Variants in TMEM151A observed in about 807,000 individuals in gnomAD.
The protein encoded by TMEM151A is transmembrane protein 151.
In TMEM151A, 21 loss-of-function variants were observed where a neutral mutation model predicts 33.7. The observed-to-expected ratio is 0.62, with a 90% CI of 0.44 to 0.90. The LOEUF is 0.90. Ranked by LOEUF, TMEM151A falls within the 40% of genes least tolerant of loss-of-function variation. The probability of loss-of-function intolerance (pLI) is 0.00; values close to 1 mark genes in which losing one functional copy is unlikely to be tolerated. For missense variants in TMEM151A, 704 were observed against 697.7 expected, an observed-to-expected ratio of 1.01 and a Z score of -0.10; for synonymous variants, 374 against 330.3, an observed-to-expected ratio of 1.13 and a Z score of -1.43.
rs1271149827 is a variant in TMEM151A at position 66,294,734 on chromosome 11, G to T, written c.488G>T (p.Arg163Leu). Reference sequence around the variant, plus strand: ...AGCTATCACTACGTGCGGCGCACACGCCAGATCACGCGCTACCGCAACGGC... The same window carrying T: ...AGCTATCACTACGTGCGGCGCACACTCCAGATCACGCGCTACCGCAACGGC... Reference protein sequence around the residue: ...ATSYHYVRRTRQITRYRNGDA... With the variant: ...ATSYHYVRRTLQITRYRNGDA... Residue 163 changes from arginine to leucine, a missense_variant, in exon 2 of 2, where the codon CGC becomes CTC. By Grantham distance (102) the Arg-to-Leu change is moderately radical (BLOSUM62 -2). Coordinates refer to ENST00000327259, the MANE Select transcript of TMEM151A (RefSeq NM_153266.4). 2 of 1,554,304 alleles carry T rather than the reference G, an allele frequency of 1.3e-6. No homozygotes were observed.
In TMEM151A at chr11:66,295,516, G is replaced by C. The variant is rs1314044699; in HGVS notation, c.1270G>C (p.Gly424Arg). ...ATPGVFRSLS[G>R]GPLGRRGEDT... ...GCCAGGGGTCTTCCGCAGCCTGAGCGGGGGGCCGCTGGGGCGCCGTGGAGA... is the reference window on the plus strand; with the variant it reads ...GCCAGGGGTCTTCCGCAGCCTGAGCCGGGGGCCGCTGGGGCGCCGTGGAGA... The change falls in exon 2 of 2, where the codon GGG becomes CGG. Residue 424 changes from glycine (G) to arginine (R), a missense_variant. Around this residue, in one of 3 missense-constraint regions of TMEM151A, gnomAD observed 398 missense variants for 356.0 expected, o/e 1.12. Coordinates refer to ENST00000327259, the MANE Select transcript of TMEM151A (RefSeq NM_153266.4). 7.2e-7 allele frequency: 1 copy of C among 1,395,622 alleles called. No homozygotes were observed. The highest frequency in any genetic ancestry group is 1.5e-5 in the African/African-American group (1 of 65,738). 86.5% of individuals were successfully genotyped at this position (1,395,622 alleles called of 1,614,324 possible). A position where few individuals can be genotyped will look rare whatever the true frequency, so the allele number is the denominator to read the frequency against.
chr11:66,292,118 C>G lies in TMEM151A; in HGVS notation c.75+30C>G. On this transcript the variant is annotated intron_variant, in intron 1 of 1. Transcript: ENST00000327259. This position sits in a 1 kb window ranked among gnomAD's most constrained non-coding sequence, Gnocchi z 4.7. ...CGGCGCTGGGGGGGCCGGAGCCGGG[C>G]CTGGGGCGGCGTGAGAGGGACCAGT... The G allele has an allele frequency of 7.1e-7, 1 of 1,410,506 alleles. No individual in the cohort carries two copies. The highest frequency in any genetic ancestry group is 9.2e-7 in the Non-Finnish European group (1 of 1,091,328). 87.4% of individuals were successfully genotyped at this position (1,410,506 alleles called of 1,614,324 possible).
In TMEM151A at chr11:66,292,758, A is replaced by T. The variant is rs1305302109; in HGVS notation, c.75+670A>T. 4.0e-5 allele frequency among the ~76,000 whole-genome samples: 6 copies of T among 151,290 alleles called. No homozygotes were observed. Among genetic ancestry groups the T allele is most frequent in the African/African-American group, 2.4e-5 (1 of 41,136 alleles). On this transcript the variant is annotated intron_variant, in intron 1 of 1. Transcript: ENST00000327259. This position sits in a 1 kb window ranked among gnomAD's most constrained non-coding sequence, Gnocchi z 4.7. ...TGTGAATTGGGTGTGTGCGCCCTGT[A>T]GTCAGGTGAGGGGCGAGTGGGTGCC...
rs769607677 is a variant in TMEM151A at position 66,294,315 on chromosome 11, C to T, written c.76-7C>T. 12 of 1,605,222 alleles carry T rather than the reference C, an allele frequency of 7.5e-6. No homozygotes were observed. Among genetic ancestry groups the T allele is most frequent in the South Asian group, 3.3e-5 (3 of 90,984 alleles). ...ACACAGACTTCCCTTTCTCTGCCCACCTGCAGCAGCGGCCCCTGAAACAGT... is the reference window on the plus strand; with the variant it reads ...ACACAGACTTCCCTTTCTCTGCCCATCTGCAGCAGCGGCCCCTGAAACAGT... On this transcript the variant is annotated splice_region_variant and splice_polypyrimidine_tract_variant and intron_variant, in intron 1 of 1. Coordinates refer to ENST00000327259, the MANE Select transcript of TMEM151A (RefSeq NM_153266.4).
Position 66,292,350 on chromosome 11 carries a change from C to T in TMEM151A, c.75+262C>T, listed in dbSNP as rs992248427. The stretch of plus-strand genomic sequence containing the variant: ...CTCGCCCGTCCTGTGACGTCAGTGC[C>T]TGGCCCCCACGCGTCCCAGTGCCGC... On this transcript the variant is annotated intron_variant, in intron 1 of 1. Transcript: ENST00000327259. The surrounding 1 kb of genome is among the most constrained non-coding windows in gnomAD (Gnocchi z 4.7). Among the ~76,000 whole-genome samples the T allele has an allele frequency of 6.6e-6, 1 of 152,198 alleles. No individual in the cohort carries two copies. Among genetic ancestry groups the T allele is most frequent in the Non-Finnish European group, 1.5e-5 (1 of 68,032 alleles).
Position 66,295,167 on chromosome 11 carries a change from C to T in TMEM151A, c.921C>T (p.Gly307=). ...SWPLRVVAAY[G]TAHVHYQVEK... ...CCCTGCGCGTCGTGGCCGCCTATGG[C>T]ACGGCTCACGTGCACTACCAGGTGG... is the stretch of plus-strand genomic sequence containing the variant. Residue 307 remains glycine, a synonymous_variant, in exon 2 of 2, where the codon GGC becomes GGT. Transcript: ENST00000327259. 6.3e-7 allele frequency: 1 copy of T among 1,585,886 alleles called. No homozygotes were observed. The highest frequency in any genetic ancestry group is 8.5e-7 in the Non-Finnish European group (1 of 1,170,498).
chr11:66,292,311 T>C lies in TMEM151A; in HGVS notation c.75+223T>C, dbSNP rs6591210. On this transcript the variant is annotated intron_variant, in intron 1 of 1. Transcript: ENST00000327259. This position sits in a 1 kb window ranked among gnomAD's most constrained non-coding sequence, Gnocchi z 4.7. ...TGCGGGGCGACTTCCGCCCCCGGCG[T>C]CCCCTCATCCAGCCTCGCCCGTCCT... Among the ~76,000 whole-genome samples the C allele has an allele frequency of 0.99, 150,105 of 152,236 alleles. 74,026 individuals carry two copies. The highest frequency in any genetic ancestry group is 1 in the Middle Eastern group (292 of 292).
chr11:66,292,153 G>C lies in TMEM151A; in HGVS notation c.75+65G>C. On this transcript the variant is annotated intron_variant, in intron 1 of 1. Transcript: ENST00000327259. The surrounding 1 kb of genome is among the most constrained non-coding windows in gnomAD (Gnocchi z 4.7). The stretch of plus-strand genomic sequence containing the variant: ...CGTGAGAGGGACCAGTGCAAAAGGC[G>C]ACCCCAAGAGAGGGGCTGAGGAGGG... 7.7e-7 allele frequency: 1 copy of C among 1,299,700 alleles called. No individual in the cohort carries two copies. The allele number at this position is 1,299,700 out of a possible 1,614,324, so 80.5% of individuals were successfully genotyped here.
chr11:66,296,490 C>T lies in TMEM151A; in HGVS notation c.*837C>T, dbSNP rs1378234822. ...CTCTTGGATGATGTCCTTGCTCCAC[C>T]ACGCAGGCCCTTGCTTCTCCCATCA... is the stretch of plus-strand genomic sequence containing the variant. On this transcript the variant is annotated 3_prime_UTR_variant, in exon 2 of 2. Coordinates refer to ENST00000327259, the MANE Select transcript of TMEM151A (RefSeq NM_153266.4). The T allele has an allele frequency of 6.5e-6, 1 of 152,772 alleles. No individual in the cohort carries two copies. The highest frequency in any genetic ancestry group is 3.2e-3 in the Middle Eastern group (1 of 316). The allele number at this position is 152,772 out of a possible 1,614,324, so 9.5% of individuals were successfully genotyped here. A position where few individuals can be genotyped will look rare whatever the true frequency, so the allele number is the denominator to read the frequency against.
chr11:66,293,198 T>G (rs897736092), intron 1 of TMEM151A, among the ~76,000 whole-genome samples: 2 of 152,092 alleles, frequency 1.3e-5, no homozygotes, highest in African/African-American at 4.8e-5. Flanking sequence ...GCAGGTCAGC[T>G]GGCGCTGTGC....
At position 66,294,758 on chromosome 11, in the gene TMEM151A, G is replaced by A; in HGVS notation, c.512G>A (p.Gly171Asp). ...RTRQITRYRN[G>D]DAYTTTQVYH... ...CGCCAGATCACGCGCTACCGCAACGGCGACGCCTACACCACCACGCAGGTG... is the reference window on the plus strand; with the variant it reads ...CGCCAGATCACGCGCTACCGCAACGACGACGCCTACACCACCACGCAGGTG... Residue 171 changes from glycine (G) to aspartate (D), a missense_variant, in exon 2 of 2, where the codon GGC becomes GAC. By Grantham distance (94) the Gly-to-Asp change is moderately conservative (BLOSUM62 -1). Around this residue, in one of 3 missense-constraint regions of TMEM151A, gnomAD observed 301 missense variants for 323.4 expected, o/e 0.93. Transcript: ENST00000327259. The A allele has an allele frequency of 6.5e-7, 1 of 1,548,056 alleles. No individual in the cohort carries two copies. Among genetic ancestry groups the A allele is most frequent in the Non-Finnish European group, 8.7e-7 (1 of 1,147,536 alleles).
rs56911128 is a variant in TMEM151A at position 66,296,518 on chromosome 11, G to A, written c.*865G>A. The A allele has an allele frequency of 1.3e-5, 2 of 152,684 alleles. No individual in the cohort carries two copies. The highest frequency in any genetic ancestry group is 2.9e-5 in the Non-Finnish European group (2 of 68,138). 9.5% of individuals were successfully genotyped at this position (152,684 alleles called of 1,614,324 possible). On this transcript the variant is annotated 3_prime_UTR_variant, in exon 2 of 2. Transcript: ENST00000327259. ...GCAGGCCCTTGCTTCTCCCATCAAC[G>A]AGTCTTGGCCCAGGGGACACTGACC...
In TMEM151A at chr11:66,292,074, C is replaced by A; in HGVS notation, c.61C>A (p.Pro21Thr). ...EVPALIPDGE[P>T]LREEQRPLKQ... The stretch of plus-strand genomic sequence containing the variant: ...GCCCGCGCTCATCCCGGACGGCGAG[C>A]CGCTGCGGGAAGAGGTACCGGCGCT... The change falls in exon 1 of 2, where the codon CCG becomes ACG. Residue 21 changes from proline to threonine, a missense_variant. Physicochemically the swap from Pro to Thr is conservative, Grantham distance 38. Coordinates refer to ENST00000327259, the MANE Select transcript of TMEM151A (RefSeq NM_153266.4). The surrounding 1 kb of genome is among the most constrained non-coding windows in gnomAD (Gnocchi z 4.7). The A allele has an allele frequency of 6.8e-7, 1 of 1,481,428 alleles. No homozygotes were observed. The highest frequency in any genetic ancestry group is 8.9e-7 in the Non-Finnish European group (1 of 1,123,716). 91.8% of individuals were successfully genotyped at this position (1,481,428 alleles called of 1,614,324 possible).
Position 66,294,511 on chromosome 11 carries a change from T to C in TMEM151A, c.265T>C (p.Tyr89His). The stretch of plus-strand genomic sequence containing the variant: ...GGGAGCCGGGGGCCCGCCACCGACC[T>C]ACCCGGCCAGCCCCTGCTCCGATGG... ...ARGAGGPPPTYPASPCSDGYL... is the reference protein window; with the variant it reads ...ARGAGGPPPTHPASPCSDGYL... The change falls in exon 2 of 2, where the codon TAC becomes CAC. Residue 89 changes from tyrosine (Y) to histidine (H), a missense_variant. Tyr to His is a moderately conservative substitution (Grantham distance 83). Around this residue, in one of 3 missense-constraint regions of TMEM151A, gnomAD observed 301 missense variants for 323.4 expected, o/e 0.93. Coordinates refer to ENST00000327259, the MANE Select transcript of TMEM151A (RefSeq NM_153266.4). 6 of 1,608,192 alleles carry C rather than the reference T, an allele frequency of 3.7e-6. No individual in the cohort carries two copies. The highest frequency in any genetic ancestry group is 5.1e-6 in the Non-Finnish European group (6 of 1,177,370).
intron 1 of TMEM151A, among the ~76,000 whole-genome samples, chr11:66,293,014 GTGTGTGTGTA>G (rs1565189703): frequency 7.4e-6 from 1 of 135,914 alleles, no homozygotes; most frequent in African/African-American, 2.6e-5. Context: ...GTGTGTGCGT[GTGTGTGTGTA>G]TGTGTGTGTA....
chr11:66,293,207 G>T (rs112242593), intron 1 of TMEM151A, among the ~76,000 whole-genome samples: 38 of 152,242 alleles, frequency 2.5e-4, no homozygotes, highest in African/African-American at 8.7e-4. Flanking sequence ...CTGGCGCTGT[G>T]CTCCCATGCT....
In TMEM151A at chr11:66,295,665, GC is replaced by G. The variant is rs1473036043; in HGVS notation, c.*17del. ...AGGGTGCTCTCTGAGACCCCCCACG[GC>G]CCCCAGAGTGGCCCCCTCCCCACCA... On this transcript the variant is annotated 3_prime_UTR_variant, in exon 2 of 2. Coordinates refer to ENST00000327259, the MANE Select transcript of TMEM151A (RefSeq NM_153266.4). The G allele has an allele frequency of 4.7e-6, 7 of 1,479,476 alleles. No individual in the cohort carries two copies. Among genetic ancestry groups the G allele is most frequent in the Non-Finnish European group, 6.3e-6 (7 of 1,118,228 alleles). 91.6% of individuals were successfully genotyped at this position (1,479,476 alleles called of 1,614,324 possible). A position where few individuals can be genotyped will look rare whatever the true frequency, so the allele number is the denominator to read the frequency against.
Position 66,294,464 on chromosome 11 carries a change from G to A in TMEM151A, c.218G>A (p.Gly73Glu). ...RLATVPRLVL[G>E]PEAALARGAG... Reference sequence around the variant, plus strand: ...GCCACAGTGCCGCGGCTGGTCCTGGGGCCCGAGGCCGCCTTGGCCCGGGGA... The same window carrying A: ...GCCACAGTGCCGCGGCTGGTCCTGGAGCCCGAGGCCGCCTTGGCCCGGGGA... The change falls in exon 2 of 2, where the codon GGG becomes GAG. Residue 73 changes from glycine to glutamate, a missense_variant. By Grantham distance (98) the Gly-to-Glu change is moderately conservative (BLOSUM62 -2). Around this residue, in one of 3 missense-constraint regions of TMEM151A, gnomAD observed 301 missense variants for 323.4 expected, o/e 0.93. Coordinates refer to ENST00000327259, the MANE Select transcript of TMEM151A (RefSeq NM_153266.4). 6.2e-7 allele frequency: 1 copy of A among 1,607,116 alleles called. No homozygotes were observed. The highest frequency in any genetic ancestry group is 1.1e-5 in the South Asian group (1 of 90,638).
At chr11:66,293,530 T>C (rs926741086) in intron 1 of TMEM151A, among the ~76,000 whole-genome samples, 47 of 152,056 alleles carry the variant, frequency 3.1e-4, no homozygotes, top group Middle Eastern at 3.4e-3. Context: ...TCAGCACAGA[T>C]GGGGAGTGGA....
Sources: gnomAD v4.1 joint callset for allele counts (sites outside exome capture counted in the v4.1 genomes callset) on GRCh38, gnomAD v4.1.1 for gene constraint, gnomAD v4.1.1 regional missense constraint, Gnocchi (gnomAD v3.1) non-coding constraint, MANE v1.5 for transcripts, NCBI Gene and HGNC (gene_info 2026-07-23, HGNC 2026-07-21) for gene names.